The following P2RY2 variants were observed in gnomAD, a reference collection of about 807,000 sequenced individuals.
P2RY2 encodes the protein P2Y purinoceptor 2.
For synonymous variants in P2RY2, 241 were observed against 231.9 expected (o/e 1.04, Z -0.35); for missense variants, 567 against 515.7 (o/e 1.10, Z -0.96).
chr11:73,234,777 C>T lies in P2RY2; in HGVS notation c.618C>T (p.Leu206=), dbSNP rs138793587. 167 of 1,611,696 alleles carry T rather than the reference C, an allele frequency of 1.0e-4. No homozygotes were observed. Among genetic ancestry groups the T allele is most frequent in the Non-Finnish European group, 1.4e-4 (166 of 1,179,964 alleles). ...VAYSSVMLGL[L]FAVPFAVILV... ...ACAGCTCAGTCATGCTGGGCCTGCT[C>T]TTCGCGGTGCCCTTTGCCGTCATCC... Residue 206 remains leucine (L), a synonymous_variant, in exon 3 of 3, where the codon CTC becomes CTT. Transcript: ENST00000393597.
In P2RY2 at chr11:73,234,424, C is replaced by T. The variant is rs1204234389; in HGVS notation, c.265C>T (p.Leu89=). Residue 89 remains leucine, a synonymous_variant, in exon 3 of 3, where the codon CTG becomes TTG. Transcript: ENST00000393597. ...ACTGTATGCGGCCTCCCTGCCGCTG[C>T]TGGTCTATTACTACGCCCGCGGCGA... is the stretch of plus-strand genomic sequence containing the variant. ...DALYAASLPL[L]VYYYARGDHW... 6.2e-7 allele frequency: 1 copy of T among 1,614,086 alleles called. No individual in the cohort carries two copies. Among genetic ancestry groups the T allele is most frequent in the Admixed American group, 1.7e-5 (1 of 60,010 alleles).
chr11:73,230,329 C>G (rs1275772206), intron 2 of P2RY2, among the ~76,000 whole-genome samples: 1 of 151,926 alleles, frequency 6.6e-6, no homozygotes, highest in Non-Finnish European at 1.5e-5. Context: ...CCAAGGCCTT[C>G]CCCTGCTTGG....
Position 73,237,753 on chromosome 11 carries a change from G to A in P2RY2, c.*2460G>A, listed in dbSNP as rs1328658288. Among the ~76,000 whole-genome samples, 8 of 152,162 alleles carry A rather than the reference G, an allele frequency of 5.3e-5. No individual in the cohort carries two copies. The highest frequency in any genetic ancestry group is 2.1e-4 in the South Asian group (1 of 4,834). ...GACTGCCTGGCCCCTTGGTATGCAC[G>A]TCCCACCTTGCTGCTCAGTGCCCAG... On this transcript the variant is annotated 3_prime_UTR_variant, in exon 3 of 3. Transcript: ENST00000393597.
In P2RY2 at chr11:73,236,954, A is replaced by T; in HGVS notation, c.*1661A>T. 1.0e-6 allele frequency: 1 copy of T among 983,218 alleles called. No homozygotes were observed. The highest frequency in any genetic ancestry group is 1.2e-6 in the Non-Finnish European group (1 of 829,312). The allele number at this position is 983,218 out of a possible 1,614,324, so 60.9% of individuals were successfully genotyped here. A position where few individuals can be genotyped will look rare whatever the true frequency, so the allele number is the denominator to read the frequency against. ...CTCACTCTTGATCTCAAGGACAGGG[A>T]CTCCCTCCTCTCCCTCTGGGAGAGC... On this transcript the variant is annotated 3_prime_UTR_variant, in exon 3 of 3. Coordinates refer to ENST00000393597, the MANE Select transcript of P2RY2 (RefSeq NM_002564.4).
intron 2 of P2RY2, among the ~76,000 whole-genome samples, chr11:73,232,400 T>C (rs745486552): frequency 4.7e-5 from 7 of 149,644 alleles, no homozygotes; most frequent in Admixed American, 6.6e-5. Context: ...ACACATCATA[T>C]GGATAAAGTG....
In P2RY2 at chr11:73,236,313, A is replaced by G. The variant is rs1862651957; in HGVS notation, c.*1020A>G. On this transcript the variant is annotated 3_prime_UTR_variant, in exon 3 of 3. Coordinates refer to ENST00000393597, the MANE Select transcript of P2RY2 (RefSeq NM_002564.4). ...CCATGGTGCAAAAACTCTTATGGCC[A>G]AATTCAAACTATAAACATGATGTCA... 2 of 434,846 alleles carry G rather than the reference A, an allele frequency of 4.6e-6. No individual in the cohort carries two copies. Among genetic ancestry groups the G allele is most frequent in the Admixed American group, 1.3e-4 (2 of 15,626 alleles). The allele number at this position is 434,846 out of a possible 1,614,324, so 26.9% of individuals were successfully genotyped here.
chr11:73,232,699 G>A (rs1241306293), intron 2 of P2RY2, among the ~76,000 whole-genome samples: 2 of 152,250 alleles, frequency 1.3e-5, no homozygotes, highest in South Asian at 2.1e-4. Context: ...GTGAGCCACC[G>A]CGCCCGGCCT....
chr11:73,230,882 G>A (rs892854500), intron 2 of P2RY2, among the ~76,000 whole-genome samples: 3 of 114,556 alleles, frequency 2.6e-5, no homozygotes, highest in Admixed American at 2.7e-4. Flanking sequence ...GTAGGGGGAT[G>A]CTTTCTTTGA....
rs1037974436 is a variant in P2RY2 at position 73,237,176 on chromosome 11, A to C, written c.*1883A>C. 6.4e-5 allele frequency: 59 copies of C among 925,186 alleles called. No homozygotes were observed. In the African/African-American group the frequency reaches 9.8e-4, roughly 15 times the overall value. 57.3% of individuals were successfully genotyped at this position (925,186 alleles called of 1,614,324 possible). On this transcript the variant is annotated 3_prime_UTR_variant, in exon 3 of 3. Coordinates refer to ENST00000393597, the MANE Select transcript of P2RY2 (RefSeq NM_002564.4). ...TGTGCCAGGTGGGTGACCTGCCCAGAATAGTGTGAGCTATTCACCTCTCAC... is the reference window on the plus strand; with the variant it reads ...TGTGCCAGGTGGGTGACCTGCCCAGCATAGTGTGAGCTATTCACCTCTCAC...
Position 73,237,291 on chromosome 11 carries a change from G to A in P2RY2, c.*1998G>A. ...GACGAAGTCTTGTTCTGTCACCCAGGCTGGAAGTGCAGTGCTGCGGTCTTG... is the reference window on the plus strand; with the variant it reads ...GACGAAGTCTTGTTCTGTCACCCAGACTGGAAGTGCAGTGCTGCGGTCTTG... On this transcript the variant is annotated 3_prime_UTR_variant, in exon 3 of 3. Transcript: ENST00000393597. 4.8e-6 allele frequency: 1 copy of A among 207,454 alleles called. No homozygotes were observed. The highest frequency in any genetic ancestry group is 8.4e-6 in the Non-Finnish European group (1 of 118,708). 12.9% of individuals were successfully genotyped at this position (207,454 alleles called of 1,614,324 possible).
chr11:73,229,668 C>T (rs73538714), intron 2 of P2RY2, among the ~76,000 whole-genome samples: 8,440 of 152,060 alleles, frequency 0.056, 675 homozygotes, highest in African/African-American at 0.18. Flanking sequence ...TTAAAACAGG[C>T]GGAAGGGGCA....
chr11:73,223,499 G>A (rs1047661553), intron 1 of P2RY2, among the ~76,000 whole-genome samples: 3 of 152,118 alleles, frequency 2.0e-5, no homozygotes, highest in Non-Finnish European at 2.9e-5. Context: ...TGATTTGCTA[G>A]CGCCAAGGTG....
Position 73,242,187 on chromosome 11 carries a change from A to T in P2RY2, c.*6894A>T, listed in dbSNP as rs1452708955. ...GCTATTTTACCCCATGTGTCCTCAG[A>T]TTTATGTCCTGGAACCAAATTCCAA... On this transcript the variant is annotated 3_prime_UTR_variant, in exon 3 of 3. Transcript: ENST00000393597. 6.6e-6 allele frequency: 1 copy of T among 152,134 alleles called. No homozygotes were observed. The highest frequency in any genetic ancestry group is 2.4e-5 in the African/African-American group (1 of 41,410). 9.4% of individuals were successfully genotyped at this position (152,134 alleles called of 1,614,324 possible). A position where few individuals can be genotyped will look rare whatever the true frequency, so the allele number is the denominator to read the frequency against.
intron 1 of P2RY2, among the ~76,000 whole-genome samples, chr11:73,223,085 G>A (rs979552045): frequency 2.6e-5 from 4 of 152,200 alleles, no homozygotes; most frequent in African/African-American, 9.7e-5. Flanking sequence ...GCTATCAGGA[G>A]CAACGAGTAA....
chr11:73,230,219 T>A (rs532206980), intron 2 of P2RY2, among the ~76,000 whole-genome samples: 1 of 151,974 alleles, frequency 6.6e-6, no homozygotes, highest in Admixed American at 6.6e-5. Context: ...CCCATCCCCA[T>A]ACTTGCCATG....
chr11:73,236,682 C>A lies in P2RY2; in HGVS notation c.*1389C>A. ...CTCCCTCCTTGCCCTGACCCTGAGG[C>A]TTCCTTTGCACTGGGGGTAAATATG... is the stretch of plus-strand genomic sequence containing the variant. On this transcript the variant is annotated 3_prime_UTR_variant, in exon 3 of 3. Transcript: ENST00000393597. 2.0e-6 allele frequency: 2 copies of A among 985,420 alleles called. No homozygotes were observed. Among genetic ancestry groups the A allele is most frequent in the Non-Finnish European group, 2.4e-6 (2 of 829,930 alleles). 61.0% of individuals were successfully genotyped at this position (985,420 alleles called of 1,614,324 possible).
rs1862556948 is a variant in P2RY2, at chr11:73,234,429, C to G, written c.270C>G (p.Val90=). Residue 90 remains valine, a synonymous_variant, in exon 3 of 3, where the codon GTC becomes GTG. Coordinates refer to ENST00000393597, the MANE Select transcript of P2RY2 (RefSeq NM_002564.4). The part of the protein sequence containing the change: ...ALYAASLPLL[V]YYYARGDHWP... The stretch of plus-strand genomic sequence containing the variant: ...ATGCGGCCTCCCTGCCGCTGCTGGT[C>G]TATTACTACGCCCGCGGCGACCACT... 6.2e-7 allele frequency: 1 copy of G among 1,614,080 alleles called. No individual in the cohort carries two copies. Among genetic ancestry groups the G allele is most frequent in the South Asian group, 1.1e-5 (1 of 91,092 alleles).
In P2RY2 at chr11:73,236,081, T is replaced by C; in HGVS notation, c.*788T>C. ...GAGTAGTCTCATATCAGGGATCCTC[T>C]CTCCAGGCCCCAGGTCATCCCCCAC... On this transcript the variant is annotated 3_prime_UTR_variant, in exon 3 of 3. Coordinates refer to ENST00000393597, the MANE Select transcript of P2RY2 (RefSeq NM_002564.4). 1 of 997,202 alleles carries C rather than the reference T, an allele frequency of 1.0e-6. No homozygotes were observed. The highest frequency in any genetic ancestry group is 1.2e-6 in the Non-Finnish European group (1 of 827,248). 61.8% of individuals were successfully genotyped at this position (997,202 alleles called of 1,614,324 possible). A position where few individuals can be genotyped will look rare whatever the true frequency, so the allele number is the denominator to read the frequency against.
chr11:73,232,748 T>G (rs1010494763), intron 2 of P2RY2, among the ~76,000 whole-genome samples: 64 of 152,068 alleles, frequency 4.2e-4, no homozygotes, highest in African/African-American at 1.5e-3. Context: ...AGTAGTAGGG[T>G]TTGAAAAATG....
Sources: gnomAD v4.1 joint callset for allele counts (sites outside exome capture counted in the v4.1 genomes callset) on GRCh38, gnomAD v4.1.1 for gene constraint, MANE v1.5 for transcripts, NCBI Gene and HGNC (gene_info 2026-07-23, HGNC 2026-07-21) for gene names.